The following PRKCB variants were observed in gnomAD, a reference collection of about 807,000 sequenced individuals.
PRKCB encodes the protein protein kinase C beta.
In PRKCB, 13 loss-of-function variants were observed where a neutral mutation model predicts 81.5. That is an observed-to-expected ratio of 0.16 (90% CI 0.10 to 0.25). The LOEUF (loss-of-function observed/expected upper bound fraction) is 0.25, where lower values mean the gene tolerates loss of function less well. PRKCB is among the 10% of genes least tolerant of loss of function. The pLI, the probability that PRKCB is intolerant of heterozygous loss-of-function variation, is 1.00. For synonymous variants in PRKCB, 335 were observed against 321.4 expected (o/e 1.04, Z -0.45); for missense variants, 509 against 875.7 (o/e 0.58, Z 5.29).
intron 6 of PRKCB, 44 bp downstream of exon 6, chr16:24,092,991 G>T (rs758670242): frequency 2.5e-5 from 39 of 1,582,962 alleles, no homozygotes; most frequent in Admixed American, 1.5e-4. Context: ...TGGAGGTTGG[G>T]TTATGTGCCA....
intron 10 of PRKCB, among the ~76,000 whole-genome samples, chr16:24,158,356 A>G (rs1967195861): frequency 6.6e-6 from 1 of 152,188 alleles, no homozygotes; most frequent in South Asian, 2.1e-4. Context: ...AAGGCAAACA[A>G]TTTTAAGTCT....
At chr16:24,099,507 T>G (rs577113442) in intron 7 of PRKCB, 15 of 152,328 alleles carry the variant, frequency 9.8e-5, no homozygotes, top group African/African-American at 3.6e-4. Context: ...TTACATGTTC[T>G]GGGGAGGCAG....
At chr16:24,145,200 G>A (rs896113824) in intron 9 of PRKCB, among the ~76,000 whole-genome samples, 3 of 152,184 alleles carry the variant, frequency 2.0e-5, no homozygotes, top group African/African-American at 7.2e-5. Context: ...TGAGTCCCAA[G>A]TACAGTAGGA....
intron 5 of PRKCB, among the ~76,000 whole-genome samples, chr16:24,092,131 A>G (rs1291102910): frequency 6.6e-6 from 1 of 152,072 alleles, no homozygotes; most frequent in Non-Finnish European, 1.5e-5. Flanking sequence ...AATTTTCATC[A>G]CCTCTAAAAG....
At position 24,123,809 on chromosome 16, in the gene PRKCB, G is replaced by A. The variant is rs374448988; in HGVS notation, c.919-26G>A. 5.0e-6 allele frequency: 8 copies of A among 1,612,386 alleles called. No homozygotes were observed. The African/African-American group carries it at 9.4e-5, about 19-fold the overall frequency. ...AAGATCGTCCTCAAACCCTGAGCAT[G>A]TTTTCTGTGTGCTTCCTTTTTGCAG... On this transcript the variant is annotated intron_variant, in intron 8 of 16. Coordinates refer to ENST00000643927, the MANE Select transcript of PRKCB (RefSeq NM_002738.7).
intron 9 of PRKCB, among the ~76,000 whole-genome samples, chr16:24,145,753 A>G (rs998906954): frequency 1.6e-4 from 24 of 152,206 alleles, no homozygotes; most frequent in African/African-American, 5.8e-4. Context: ...CTCCCTCAGG[A>G]CAAAGCTCCC....
chr16:24,092,007 G>T (rs149869935), intron 5 of PRKCB, among the ~76,000 whole-genome samples: 1 of 152,244 alleles, frequency 6.6e-6, no homozygotes, highest in African/African-American at 2.4e-5. Context: ...TTGAATGGAG[G>T]TAAAATTAAC....
intron 2 of PRKCB, among the ~76,000 whole-genome samples, chr16:23,887,905 C>T (rs1215985006): frequency 6.6e-6 from 1 of 152,222 alleles, no homozygotes. Flanking sequence ...TTGAAGGATT[C>T]TCCAGCTGGG....
At chr16:24,065,737 A>C (rs929567450) in intron 5 of PRKCB, among the ~76,000 whole-genome samples, 2 of 152,206 alleles carry the variant, frequency 1.3e-5, no homozygotes, top group Admixed American at 6.5e-5. Flanking sequence ...AGCTGGGCAC[A>C]GTGGCACATG....
At chr16:24,005,527 C>T (rs112811556) in intron 3 of PRKCB, among the ~76,000 whole-genome samples, 2,907 of 152,274 alleles carry the variant, frequency 0.019, 92 homozygotes, top group African/African-American at 0.066. Flanking sequence ...CCGGCGTAAT[C>T]GGGAGTCACT....
chr16:24,068,375 A>G (rs895762750), intron 5 of PRKCB, among the ~76,000 whole-genome samples: 1 of 151,934 alleles, frequency 6.6e-6, no homozygotes, highest in African/African-American at 2.4e-5. Context: ...AGCCCCAAGA[A>G]TAAGCTTCAA....
In PRKCB at chr16:24,216,830, A is replaced by G; in HGVS notation, c.*2014A>G. On this transcript the variant is annotated 3_prime_UTR_variant, in exon 17 of 17. Transcript: ENST00000643927. ...GAGAAACTGGCATCTGGAAAGAGGA[A>G]GGAATTTGCCCAAAGTCAGTCAGCT... The G allele has an allele frequency of 3.0e-6, 3 of 985,506 alleles. No homozygotes were observed. The allele number at this position is 985,506 out of a possible 1,614,324, so 61.0% of individuals were successfully genotyped here. A position where few individuals can be genotyped will look rare whatever the true frequency, so the allele number is the denominator to read the frequency against.
In PRKCB at chr16:24,138,055, T is replaced by A. The variant is rs542863540; in HGVS notation, c.1065+14074T>A. On this transcript the variant is annotated intron_variant, in intron 9 of 16. Transcript: ENST00000643927. Reference sequence around the variant, plus strand: ...TGGGTGCTGTTATTATCTGCATTTTTAAATCTGTAGATAAAGAGACAGAGT... The same window carrying A: ...TGGGTGCTGTTATTATCTGCATTTTAAAATCTGTAGATAAAGAGACAGAGT... Among the ~76,000 whole-genome samples, 9 of 152,334 alleles carry A rather than the reference T, an allele frequency of 5.9e-5. No individual in the cohort carries two copies. The South Asian group carries it at 1.9e-3, about 32-fold the overall frequency.
At chr16:23,989,994 A>T (rs1381010790) in intron 3 of PRKCB, among the ~76,000 whole-genome samples, 1 of 152,148 alleles carries the variant, frequency 6.6e-6, no homozygotes, top group African/African-American at 2.4e-5. Flanking sequence ...GTACAAGGAT[A>T]TAATGCTTGG....
chr16:24,083,340 A>C (rs1966273350), intron 5 of PRKCB, among the ~76,000 whole-genome samples: 1 of 152,216 alleles, frequency 6.6e-6, no homozygotes, highest in African/African-American at 2.4e-5. Context: ...ACTCCTAGTT[A>C]TTTATCTTAA....
chr16:24,041,685 C>T (rs1346677296), intron 5 of PRKCB, among the ~76,000 whole-genome samples: 1 of 152,066 alleles, frequency 6.6e-6, no homozygotes, highest in South Asian at 2.1e-4. Context: ...GACATCCACA[C>T]ATCAAAAGAA....
At chr16:23,936,579 ATTTT>A (rs57643578) in intron 2 of PRKCB, among the ~76,000 whole-genome samples, 2,681 of 96,112 alleles carry the variant, frequency 0.028, 31 homozygotes, top group African/African-American at 0.034. Context: ...CACCCAACTA[ATTTT>A]TTTTTTTTTT....
intron 5 of PRKCB, among the ~76,000 whole-genome samples, chr16:24,065,006 A>G (rs1966014214): frequency 6.8e-6 from 1 of 147,982 alleles, no homozygotes; most frequent in Non-Finnish European, 1.5e-5. Flanking sequence ...ATATATATAT[A>G]TAAAAAGACT....
chr16:23,975,537 A>C (rs778963457), intron 2 of PRKCB, among the ~76,000 whole-genome samples: 1 of 152,186 alleles, frequency 6.6e-6, no homozygotes, highest in Non-Finnish European at 1.5e-5. Context: ...AGACCTGTCA[A>C]ACCTCATAGT....
Sources: gnomAD v4.1 joint callset for allele counts (sites outside exome capture counted in the v4.1 genomes callset) on GRCh38, gnomAD v4.1.1 for gene constraint, MANE v1.5 for transcripts, NCBI Gene and HGNC (gene_info 2026-07-23, HGNC 2026-07-21) for gene names.